The following SLC25A21 variants were observed in gnomAD, a reference collection of about 807,000 sequenced individuals.
SLC25A21 encodes the protein solute carrier family 25 member 21, also known as mitochondrial 2-oxodicarboxylate carrier.
SLC25A21 carries 47 observed loss-of-function variants against 43.8 expected under a neutral mutation model. The observed-to-expected ratio is 1.07, with a 90% CI of 0.85 to 1.37. The LOEUF (loss-of-function observed/expected upper bound fraction) is 1.37, where lower values mean the gene tolerates loss of function less well. Among genes scored for constraint, SLC25A21 ranks in the 40% most tolerant of loss-of-function variants. The pLI is 0.00. For synonymous variants in SLC25A21, 131 were observed against 121.3 expected (o/e 1.08, Z -0.52); for missense variants, 352 against 350.2 (o/e 1.00, Z -0.04).
chr14:36,683,253 T>G (rs897778727), intron 9 of SLC25A21, among the ~76,000 whole-genome samples: 1 of 152,214 alleles, frequency 6.6e-6, no homozygotes, highest in African/African-American at 2.4e-5. Flanking sequence ...GGTTTTTTTG[T>G]GGGTAGGCGT....
At chr14:36,735,930 ATTT>A (rs776933723) in intron 3 of SLC25A21, among the ~76,000 whole-genome samples, 10 of 84,298 alleles carry the variant, frequency 1.2e-4, no homozygotes, top group East Asian at 3.5e-4. Flanking sequence ...TCTGGCCACA[ATTT>A]TTTTTTTTTT....
chr14:36,854,357 A>G (rs568447665), intron 2 of SLC25A21, among the ~76,000 whole-genome samples: 12 of 152,348 alleles, frequency 7.9e-5, no homozygotes, highest in Admixed American at 5.2e-4. Context: ...GCCTTGAAGG[A>G]TGAGAGACTT....
chr14:36,694,395 T>G (rs763608902), intron 7 of SLC25A21, among the ~76,000 whole-genome samples: 1 of 152,164 alleles, frequency 6.6e-6, no homozygotes, highest in Non-Finnish European at 1.5e-5. Flanking sequence ...GTCTTTATAG[T>G]AGCATGATTT....
chr14:36,769,275 C>T (rs1324036556), intron 3 of SLC25A21, among the ~76,000 whole-genome samples: 2 of 152,218 alleles, frequency 1.3e-5, no homozygotes, highest in Non-Finnish European at 2.9e-5. Flanking sequence ...CTATTTCCAA[C>T]AATGACAATT....
intron 1 of SLC25A21, among the ~76,000 whole-genome samples, chr14:37,074,274 T>G (rs909490648): frequency 2.6e-5 from 4 of 152,186 alleles, no homozygotes; most frequent in Non-Finnish European, 4.4e-5. Context: ...TATTCTACGG[T>G]TGAAACTGAT....
chr14:36,861,287 T>G (rs1336796872), intron 2 of SLC25A21, among the ~76,000 whole-genome samples: 2 of 152,210 alleles, frequency 1.3e-5, no homozygotes, highest in Non-Finnish European at 2.9e-5. Flanking sequence ...TACTCTTGAT[T>G]CACAGAAAGG....
In SLC25A21 at chr14:37,172,579, C is replaced by A; in HGVS notation, c.-229G>T. 1 of 698,330 alleles carries A rather than the reference C, an allele frequency of 1.4e-6. No individual in the cohort carries two copies. The highest frequency in any genetic ancestry group is 2.6e-6 in the Non-Finnish European group (1 of 382,538). The allele number at this position is 698,330 out of a possible 1,614,324, so 43.3% of individuals were successfully genotyped here. On this transcript the variant is annotated 5_prime_UTR_variant, in exon 1 of 10. Coordinates refer to ENST00000331299, the MANE Select transcript of SLC25A21 (RefSeq NM_030631.4). The stretch of plus-strand genomic sequence containing the variant: ...CGCAGCGCTCTCGCAGAGGCGCCCT[C>A]GGCTCCGAAAATGTCTCTGGAAAGA...
At chr14:37,033,351 A>C (rs1203471941) in intron 1 of SLC25A21, among the ~76,000 whole-genome samples, 1 of 152,208 alleles carries the variant, frequency 6.6e-6, no homozygotes, top group East Asian at 1.9e-4. Context: ...ATATTTTTAA[A>C]ATTTGTTCAT....
intron 3 of SLC25A21, among the ~76,000 whole-genome samples, chr14:36,742,677 G>C (rs1316456979): frequency 6.6e-6 from 1 of 152,120 alleles, no homozygotes; most frequent in Non-Finnish European, 1.5e-5. Flanking sequence ...TTTAAAAGCA[G>C]CAAATAAATT....
chr14:36,795,051 G>A (rs767505646), intron 3 of SLC25A21, among the ~76,000 whole-genome samples: 4 of 152,108 alleles, frequency 2.6e-5, no homozygotes, highest in Admixed American at 6.6e-5. Flanking sequence ...AAGGGGAAAT[G>A]AGGGAATTCC....
chr14:37,042,066 T>A (rs930337651), intron 1 of SLC25A21, among the ~76,000 whole-genome samples: 2 of 152,200 alleles, frequency 1.3e-5, no homozygotes, highest in East Asian at 1.9e-4. Context: ...TTTTCCTCAA[T>A]GATCTCTCTC....
intron 3 of SLC25A21, among the ~76,000 whole-genome samples, chr14:36,741,838 G>A (rs1885276488): frequency 6.6e-6 from 1 of 152,184 alleles, no homozygotes; most frequent in Non-Finnish European, 1.5e-5. Context: ...CAGATCCCCA[G>A]TTGGGGAAAT....
At chr14:37,074,861 T>C (rs1962247898) in intron 1 of SLC25A21, among the ~76,000 whole-genome samples, 2 of 152,198 alleles carry the variant, frequency 1.3e-5, no homozygotes, top group South Asian at 4.2e-4. Context: ...ATGATTACAC[T>C]CGTCACTCAT....
rs75946341 is a variant in SLC25A21 at position 36,881,258 on chromosome 14, T to G, written c.71-6254A>C. 4.7e-3 allele frequency among the ~76,000 whole-genome samples: 718 copies of G among 152,276 alleles called. 6 individuals are homozygous for G. Among genetic ancestry groups the G allele is most frequent in the African/African-American group, 0.013 (556 of 41,546 alleles). ...ATTTTAAAATCAAAATGTTACATCA[T>G]CTGTGGCCTGCGTATTCTTTATATT... On this transcript the variant is annotated intron_variant, in intron 1 of 9. Transcript: ENST00000331299.
At chr14:37,039,046 G>A (rs1287055474) in intron 1 of SLC25A21, among the ~76,000 whole-genome samples, 1 of 152,078 alleles carries the variant, frequency 6.6e-6, no homozygotes, top group Non-Finnish European at 1.5e-5. Context: ...CCAAACAATT[G>A]CATCTGACAC....
chr14:37,166,993 T>C (rs1226993717), intron 1 of SLC25A21, among the ~76,000 whole-genome samples: 3 of 152,046 alleles, frequency 2.0e-5, no homozygotes, highest in Non-Finnish European at 2.9e-5. Context: ...CAAATAAAAA[T>C]ATTAGCTTCA....
intron 1 of SLC25A21, among the ~76,000 whole-genome samples, chr14:37,026,915 T>C (rs535727749): frequency 6.6e-6 from 1 of 152,036 alleles, no homozygotes; most frequent in South Asian, 2.1e-4. Context: ...CTTGCCAGGC[T>C]CCATTTATTT....
intron 1 of SLC25A21, among the ~76,000 whole-genome samples, chr14:36,927,346 G>A (rs768873146): frequency 1.3e-5 from 2 of 152,130 alleles, no homozygotes; most frequent in Admixed American, 1.3e-4. Flanking sequence ...GAACAAATCT[G>A]CATGCTTTCA....
At chr14:36,967,433 A>C (rs1432103449) in intron 1 of SLC25A21, among the ~76,000 whole-genome samples, 2 of 152,220 alleles carry the variant, frequency 1.3e-5, no homozygotes, top group Non-Finnish European at 2.9e-5. Flanking sequence ...TGATGGAGTC[A>C]ATAGAGAAGA....
Sources: allele counts gnomAD v4.1 joint callset (sites outside exome capture counted in the v4.1 genomes callset), GRCh38; gene constraint gnomAD v4.1.1; transcripts MANE v1.5; gene names NCBI Gene and HGNC (gene_info 2026-07-23, HGNC 2026-07-21).